Variants in SCARB2 observed in about 807,000 individuals in gnomAD.
SCARB2 encodes lysosome membrane protein 2.
In SCARB2, 29 loss-of-function variants were observed where a neutral mutation model predicts 58.6. That is an observed-to-expected ratio of 0.49 (90% CI 0.37 to 0.67). The LOEUF is 0.67. Ranked by LOEUF, SCARB2 falls within the 30% of genes least tolerant of loss-of-function variation. SCARB2 has a pLI of 0.00. For missense variants in SCARB2, 488 were observed against 578.5 expected (o/e 0.84, Z 1.60); for synonymous variants, 195 against 210.1 (o/e 0.93, Z 0.62).
At chr4:76,176,316 T>C in intron 5 of SCARB2, 121 bp downstream of exon 5, 1 of 676,232 alleles carries the variant, frequency 1.5e-6, no homozygotes, top group East Asian at 2.7e-5. Context: ...CAAGACTATT[T>C]ACATGTTTTT....
Position 76,213,688 on chromosome 4 carries a change from G to A in SCARB2, c.-145C>T. ...TCCCGGCGCACGGTTCGTGCGCGCA[G>A]CTCTGGGCTCCGCGGCCTGGCGAGC... On this transcript the variant is annotated 5_prime_UTR_variant, in exon 1 of 12. Coordinates refer to ENST00000264896, the MANE Select transcript of SCARB2 (RefSeq NM_005506.4). 1.7e-6 allele frequency: 1 copy of A among 600,816 alleles called. No individual in the cohort carries two copies. The allele number at this position is 600,816 out of a possible 1,614,324, so 37.2% of individuals were successfully genotyped here.
At position 76,160,798 on chromosome 4, in the gene SCARB2, C is replaced by T. The variant is rs997491095; in HGVS notation, c.*915G>A. On this transcript the variant is annotated 3_prime_UTR_variant, in exon 12 of 12. Coordinates refer to ENST00000264896, the MANE Select transcript of SCARB2 (RefSeq NM_005506.4). ...ATTCATAATTTTACAAATAATCACT[C>T]AATATTAGATTAATTAATACAGTAA... 6.6e-6 allele frequency: 1 copy of T among 152,034 alleles called. No homozygotes were observed. The highest frequency in any genetic ancestry group is 1.5e-5 in the Non-Finnish European group (1 of 68,010). The allele number at this position is 152,034 out of a possible 1,614,324, so 9.4% of individuals were successfully genotyped here. A position where few individuals can be genotyped will look rare whatever the true frequency, so the allele number is the denominator to read the frequency against.
At chr4:76,215,467 G>A (rs779990384), upstream of SCARB2, among the ~76,000 whole-genome samples, 4 of 152,304 alleles carry the variant, frequency 2.6e-5, no homozygotes, top group Middle Eastern at 3.4e-3. Flanking sequence ...CTTTGTTGAG[G>A]ACTTGGTGAG....
chr4:76,184,374 T>C (rs1441603542), intron 2 of SCARB2, among the ~76,000 whole-genome samples: 1 of 152,254 alleles, frequency 6.6e-6, no homozygotes, highest in African/African-American at 2.4e-5. Flanking sequence ...TTACAAAGAA[T>C]ATATTTAAAA....
chr4:76,201,346 A>C (rs1319323423), intron 1 of SCARB2, among the ~76,000 whole-genome samples: 2 of 152,304 alleles, frequency 1.3e-5, no homozygotes, highest in Non-Finnish European at 2.9e-5. Context: ...TGTGTTCATT[A>C]GTCTTTAGTG....
intron 1 of SCARB2, among the ~76,000 whole-genome samples, chr4:76,196,999 G>A (rs1277353059): frequency 6.6e-6 from 1 of 152,224 alleles, no homozygotes; most frequent in Non-Finnish European, 1.5e-5. Flanking sequence ...ACTGGAGGAG[G>A]AAACTGGGAC....
chr4:76,196,465 T>C (rs566772866), intron 1 of SCARB2, among the ~76,000 whole-genome samples: 1 of 152,298 alleles, frequency 6.6e-6, no homozygotes, highest in South Asian at 2.1e-4. Context: ...ACAGATTGAG[T>C]GCCTAAAGGG....
At chr4:76,225,420 C>T (rs971045045) in intron 1 of SCARB2, among the ~76,000 whole-genome samples, 5 of 152,148 alleles carry the variant, frequency 3.3e-5, no homozygotes, top group African/African-American at 1.2e-4. Context: ...ACTTCTAGTA[C>T]AATGTTGAAT....
chr4:76,197,602 A>C (rs1235017139), intron 1 of SCARB2, among the ~76,000 whole-genome samples: 1 of 152,200 alleles, frequency 6.6e-6, no homozygotes, highest in Non-Finnish European at 1.5e-5. Context: ...CCTGATAAAT[A>C]CAGCGCCTGA....
chr4:76,196,656 C>T (rs1055320362), intron 1 of SCARB2, among the ~76,000 whole-genome samples: 4 of 152,228 alleles, frequency 2.6e-5, no homozygotes, highest in Non-Finnish European at 4.4e-5. Context: ...CCTACCGCCT[C>T]CACCACCAGG....
At chr4:76,224,263 C>T (rs1386142071) in intron 1 of SCARB2, among the ~76,000 whole-genome samples, 1 of 152,166 alleles carries the variant, frequency 6.6e-6, no homozygotes, top group African/African-American at 2.4e-5. Flanking sequence ...ATTGGGCTGG[C>T]CATCTGTGTT....
chr4:76,179,305 C>T (rs1280346061), intron 4 of SCARB2: 9 of 552,896 alleles, frequency 1.6e-5, no homozygotes, highest in African/African-American at 1.1e-4. Context: ...CCACCCACCT[C>T]GGTCTCCCAA....
upstream of SCARB2, among the ~76,000 whole-genome samples, chr4:76,215,329 G>T (rs1733185296): frequency 6.6e-6 from 1 of 152,202 alleles, no homozygotes; most frequent in Non-Finnish European, 1.5e-5. Flanking sequence ...CTGAGTGGTG[G>T]ATCCTGCTTG....
At chr4:76,214,550 T>C (rs1216528443), upstream of SCARB2, 1 of 341,708 alleles carries the variant, frequency 2.9e-6, no homozygotes, top group African/African-American at 2.2e-5. Context: ...GAGGTCAGAC[T>C]TTGAAGGGCT....
intron 1 of SCARB2, among the ~76,000 whole-genome samples, chr4:76,196,384 T>C (rs61606865): frequency 0.012 from 1,859 of 152,198 alleles, 41 homozygotes; most frequent in African/African-American, 0.042. Context: ...TAATTAATAA[T>C]TGTAAAGGAA....
Position 76,195,695 on chromosome 4 carries a change from G to A in SCARB2, c.275+12C>T. 6.2e-7 allele frequency: 1 copy of A among 1,612,920 alleles called. No individual in the cohort carries two copies. Among genetic ancestry groups the A allele is most frequent in the Non-Finnish European group, 8.5e-7 (1 of 1,179,060 alleles). On this transcript the variant is annotated intron_variant, in intron 2 of 11. Transcript: ENST00000264896. ...TGTATTTCTTTCAAGACAGGAGGTG[G>A]TCAAGACTTACCTGTAGGTGTATGG...
chr4:76,213,587 G>T lies in SCARB2; in HGVS notation c.-44C>A, dbSNP rs1477651224. 13 of 1,530,312 alleles carry T rather than the reference G, an allele frequency of 8.5e-6. No individual in the cohort carries two copies. The African/African-American group carries it at 1.5e-4, about 18-fold the overall frequency. The allele number at this position is 1,530,312 out of a possible 1,614,324, so 94.8% of individuals were successfully genotyped here. On this transcript the variant is annotated 5_prime_UTR_variant, in exon 1 of 12. Coordinates refer to ENST00000264896, the MANE Select transcript of SCARB2 (RefSeq NM_005506.4). ...GCCGGGCCGGGCCGCACCCGCCAGG[G>T]ATCCAACTGCAAGGAGGGAGGAGCC...
intron 3 of SCARB2, 82 bp from the exon 4 acceptor site, chr4:76,179,787 G>A (rs1432917018): frequency 9.5e-7 from 1 of 1,050,200 alleles, no homozygotes; most frequent in East Asian, 2.4e-5. Context: ...CCATAGCAAA[G>A]GGGGTTGGAA....
intron 1 of SCARB2, among the ~76,000 whole-genome samples, chr4:76,222,749 C>T (rs1191810134): frequency 6.6e-6 from 1 of 152,162 alleles, no homozygotes; most frequent in African/African-American, 2.4e-5. Context: ...TGCTATATGC[C>T]AAGCTCTGTT....
Sources: allele counts gnomAD v4.1 joint callset (sites outside exome capture counted in the v4.1 genomes callset), GRCh38; gene constraint gnomAD v4.1.1; transcripts MANE v1.5; gene names NCBI Gene and HGNC (gene_info 2026-07-23, HGNC 2026-07-21).